PPP1R12B: variants seen among roughly 807,000 people sequenced by gnomAD.
The protein encoded by PPP1R12B is protein phosphatase 1 regulatory subunit 12B.
Under a neutral mutation model 126.1 loss-of-function variants are expected in PPP1R12B, and 76 were observed. That is an observed-to-expected ratio of 0.60 (90% CI 0.50 to 0.73). The LOEUF is 0.73. Among genes scored for constraint, PPP1R12B ranks in the 30% least tolerant of loss-of-function variants. The pLI, the probability that PPP1R12B is intolerant of heterozygous loss-of-function variation, is 0.00. For synonymous variants in PPP1R12B, 356 were observed against 434.7 expected (o/e 0.82, Z 2.25); for missense variants, 1,052 against 1,205.1 (o/e 0.87, Z 1.88).
intron 13 of PPP1R12B, among the ~76,000 whole-genome samples, chr1:202,474,202 C>T (rs974663577): frequency 2.0e-5 from 3 of 152,108 alleles, no homozygotes; most frequent in African/African-American, 4.8e-5. Context: ...TACTGTAATA[C>T]TGCCTCCAGG....
chr1:202,536,821 A>T (rs943610085), intron 18 of PPP1R12B, among the ~76,000 whole-genome samples: 2 of 151,952 alleles, frequency 1.3e-5, no homozygotes, highest in Non-Finnish European at 2.9e-5. Context: ...AGACACACAC[A>T]CATTAGCTTA....
At chr1:202,460,878 C>T (rs1451655659) in intron 13 of PPP1R12B, among the ~76,000 whole-genome samples, 3 of 152,184 alleles carry the variant, frequency 2.0e-5, no homozygotes, top group African/African-American at 4.8e-5. Flanking sequence ...AGAGGCTTCA[C>T]CAGGCTGAAT....
At chr1:202,461,865 A>G (rs1464680255) in intron 13 of PPP1R12B, among the ~76,000 whole-genome samples, 2 of 152,172 alleles carry the variant, frequency 1.3e-5, no homozygotes, top group Non-Finnish European at 2.9e-5. Flanking sequence ...ATATGAGGCA[A>G]GAGCTAGTGA....
At chr1:202,516,484 T>G (rs1682160791) in intron 18 of PPP1R12B, among the ~76,000 whole-genome samples, 2 of 151,976 alleles carry the variant, frequency 1.3e-5, no homozygotes, top group African/African-American at 4.8e-5. Flanking sequence ...TTTGGTGGAG[T>G]GGGGCTGGGG....
chr1:202,360,802 A>T (rs1658039779), intron 1 of PPP1R12B, among the ~76,000 whole-genome samples: 1 of 151,882 alleles, frequency 6.6e-6, no homozygotes, highest in Non-Finnish European at 1.5e-5. Flanking sequence ...TAATGTTGAG[A>T]TTAGTAGTAC....
Position 202,427,104 on chromosome 1 carries a change from G to A in PPP1R12B, c.766G>A (p.Ala256Thr). The A allele has an allele frequency of 1.2e-6, 2 of 1,614,134 alleles. No homozygotes were observed. Among genetic ancestry groups the A allele is most frequent in the Non-Finnish European group, 1.7e-6 (2 of 1,180,020 alleles). ...QDYDGWTPLH[A>T]AAHWGVKEAC... ...TTATGATGGCTGGACTCCCCTCCAT[G>A]CTGCTGCACACTGGGGAGTGAAGGA... The change falls in exon 5 of 24, where the codon GCT (alanine) becomes ACT (threonine). Residue 256 changes from alanine (A) to threonine (T), a missense_variant. Coordinates refer to ENST00000608999, the MANE Select transcript of PPP1R12B (RefSeq NM_002481.4).
rs1689988986 is a variant in PPP1R12B, at chr1:202,588,848, TAGA to T, written c.*8289_*8291del. On this transcript the variant is annotated 3_prime_UTR_variant, in exon 24 of 24. Coordinates refer to ENST00000608999, the MANE Select transcript of PPP1R12B (RefSeq NM_002481.4). Reference sequence around the variant, plus strand: ...TAAGATAGATAGATAGATAGATAGATAGATAGATAGATAGATAGATAGATATCA... The same window carrying T: ...TAAGATAGATAGATAGATAGATAGATTAGATAGATAGATAGATAGATATCA... 6.9e-6 allele frequency: 1 copy of T among 144,784 alleles called. No homozygotes were observed. Among genetic ancestry groups the T allele is most frequent in the African/African-American group, 2.8e-5 (1 of 35,380 alleles). The allele number at this position is 144,784 out of a possible 1,614,324, so 9.0% of individuals were successfully genotyped here. A position where few individuals can be genotyped will look rare whatever the true frequency, so the allele number is the denominator to read the frequency against.
chr1:202,395,059 T>C (rs1275057131), intron 1 of PPP1R12B, among the ~76,000 whole-genome samples: 3 of 147,874 alleles, frequency 2.0e-5, no homozygotes, highest in Non-Finnish European at 3.0e-5. Context: ...AGAGGTTGTA[T>C]TGAGTTGAGA....
chr1:202,544,829 A>G (rs1236873821), intron 18 of PPP1R12B, among the ~76,000 whole-genome samples: 3 of 152,236 alleles, frequency 2.0e-5, no homozygotes, highest in Non-Finnish European at 4.4e-5. Context: ...CAGTCCTACA[A>G]ACTAATTAGG....
chr1:202,588,024 GGAAA>G lies in PPP1R12B; in HGVS notation c.*7468_*7471del, dbSNP rs1211903150. ...GGCAATGATTTCCCTGCAGAAGGAA[GGAAA>G]GAATGTTTCACCCTTGCATCCTTCT... On this transcript the variant is annotated 3_prime_UTR_variant, in exon 24 of 24. Transcript: ENST00000608999. The G allele has an allele frequency of 5.9e-5, 9 of 151,986 alleles. No homozygotes were observed. The highest frequency in any genetic ancestry group is 1.9e-4 in the East Asian group (1 of 5,184). 9.4% of individuals were successfully genotyped at this position (151,986 alleles called of 1,614,324 possible).
At chr1:202,506,938 T>G (rs1680879312) in intron 18 of PPP1R12B, among the ~76,000 whole-genome samples, 2 of 152,110 alleles carry the variant, frequency 1.3e-5, no homozygotes, top group African/African-American at 4.8e-5. Context: ...GTGGAAAGGG[T>G]GAGAGATGCT....
intron 18 of PPP1R12B, among the ~76,000 whole-genome samples, chr1:202,544,531 A>G (rs1022164423): frequency 1.1e-4 from 16 of 152,220 alleles, no homozygotes; most frequent in Non-Finnish European, 1.3e-4. Context: ...TATTTATTAT[A>G]TTGAATAAAT....
rs1328501322 is a variant in PPP1R12B, at chr1:202,348,745, C to T, written c.-107C>T. 4.9e-5 allele frequency: 68 copies of T among 1,383,270 alleles called. No individual in the cohort carries two copies. The highest frequency in any genetic ancestry group is 2.7e-4 in the Middle Eastern group (1 of 3,764). The allele number at this position is 1,383,270 out of a possible 1,614,324, so 85.7% of individuals were successfully genotyped here. On this transcript the variant is annotated 5_prime_UTR_variant, in exon 1 of 24. Transcript: ENST00000608999. ...AAAGATGGCGGCGCGAGGGTCTCCG[C>T]CCTCTGCTCCGGGCTGAAGCGCTCT...
At chr1:202,526,061 C>T (rs1310246515) in intron 18 of PPP1R12B, among the ~76,000 whole-genome samples, 1 of 152,118 alleles carries the variant, frequency 6.6e-6, no homozygotes, top group African/African-American at 2.4e-5. Flanking sequence ...ACAACAACAA[C>T]AACAAAAAGA....
In PPP1R12B at chr1:202,348,830, A is replaced by G. The variant is rs1655385262; in HGVS notation, c.-22A>G. On this transcript the variant is annotated 5_prime_UTR_variant, in exon 1 of 24. Transcript: ENST00000608999. Reference sequence around the variant, plus strand: ...GTAATTTAGTGTTGGTAGTTTTGGCAGCAGCTGCCGAGGCCGGAGCAATGG... The same window carrying G: ...GTAATTTAGTGTTGGTAGTTTTGGCGGCAGCTGCCGAGGCCGGAGCAATGG... 1.3e-6 allele frequency: 2 copies of G among 1,594,652 alleles called. No individual in the cohort carries two copies. Among genetic ancestry groups the G allele is most frequent in the Admixed American group, 3.6e-5 (2 of 55,434 alleles).
At chr1:202,471,805 T>A (rs1675937056) in intron 13 of PPP1R12B, 1 of 1,278,138 alleles carries the variant, frequency 7.8e-7, no homozygotes, top group Non-Finnish European at 1.1e-6. Context: ...GTTTTTTTTT[T>A]TTTATCCAAA....
chr1:202,507,730 T>A (rs181151502), intron 18 of PPP1R12B, among the ~76,000 whole-genome samples: 83 of 152,368 alleles, frequency 5.4e-4, no homozygotes, highest in African/African-American at 2.0e-3. Context: ...AACTCTTTTA[T>A]CAAAGTAGTC....
intron 2 of PPP1R12B, chr1:202,417,472 A>C: frequency 1.1e-6 from 1 of 945,708 alleles, no homozygotes; most frequent in Non-Finnish European, 1.3e-6. Flanking sequence ...AGGAGCTACT[A>C]ATCTCCAGGA....
At chr1:202,572,690 T>C (rs1022975846) in intron 23 of PPP1R12B, among the ~76,000 whole-genome samples, 1 of 152,184 alleles carries the variant, frequency 6.6e-6, no homozygotes, top group African/African-American at 2.4e-5. Context: ...AGCATCAGCC[T>C]CCTTGTCAGA....
Sources: allele counts gnomAD v4.1 joint callset (sites outside exome capture counted in the v4.1 genomes callset), GRCh38; gene constraint gnomAD v4.1.1; transcripts MANE v1.5; gene names NCBI Gene and HGNC (gene_info 2026-07-23, HGNC 2026-07-21).